SND1: variants seen among roughly 807,000 people sequenced by gnomAD.
The protein encoded by SND1 is staphylococcal nuclease and tudor domain containing 1.
Under a neutral mutation model 121.7 loss-of-function variants are expected in SND1, and 38 were observed. That is an observed-to-expected ratio of 0.31 (90% confidence interval 0.24 to 0.41). The LOEUF (loss-of-function observed/expected upper bound fraction) is 0.41. Ranked by LOEUF, SND1 falls within the 10% of genes least tolerant of loss-of-function variation. The probability of loss-of-function intolerance (pLI) is 1.00; values close to 1 mark genes in which losing one functional copy is unlikely to be tolerated. For synonymous variants in SND1, 401 were observed against 447.4 expected, an observed-to-expected ratio of 0.90 and a Z score of 1.31; for missense variants, 868 against 1,184.6, an observed-to-expected ratio of 0.73 and a Z score of 3.92.
At chr7:127,947,087 C>T (rs1262349901) in intron 15 of SND1, among the ~76,000 whole-genome samples, 1 of 152,086 alleles carries the variant, frequency 6.6e-6, no homozygotes, top group Non-Finnish European at 1.5e-5. Context: ...CCTGGTTTTC[C>T]AGGGAAACTT....
intron 11 of SND1, among the ~76,000 whole-genome samples, chr7:127,817,471 G>A (rs956471006): frequency 3.9e-5 from 6 of 152,016 alleles, no homozygotes; most frequent in Non-Finnish European, 8.8e-5. Context: ...TTCAAAATGC[G>A]TAGACCTGAC....
intron 23 of SND1, 42 bp from the exon 24 acceptor site, chr7:128,091,951 G>A: frequency 6.2e-7 from 1 of 1,613,876 alleles, no homozygotes; most frequent in Non-Finnish European, 8.5e-7. Flanking sequence ...GTTCCGGTGG[G>A]TCCCGTATCC....
In SND1 at chr7:128,074,651, G is replaced by A. The variant is rs764909120; in HGVS notation, c.1929G>A (p.Leu643=). 1.1e-5 allele frequency: 17 copies of A among 1,613,548 alleles called. No individual in the cohort carries two copies. The South Asian group carries it at 1.9e-4, about 18-fold the overall frequency. The change falls in exon 17 of 24, where the codon CTG becomes CTA. Residue 643 remains leucine, a synonymous_variant. Coordinates refer to ENST00000354725, the MANE Select transcript of SND1 (RefSeq NM_014390.4). ...TAERSSYYKS[L]LSAEEAAKQK... ...AACGCAGCTCCTACTACAAGTCCCT[G>A]CTGTCTGCCGAGGAGGCCGCAAAGC...
At chr7:127,990,890 G>C in intron 15 of SND1, 57 bp from the exon 16 acceptor site, 1 of 1,273,654 alleles carries the variant, frequency 7.9e-7, no homozygotes, top group South Asian at 1.3e-5. Context: ...GTCCTTATTG[G>C]ACAGCAAGCC....
chr7:127,686,552 A>G (rs1795815407), intron 1 of SND1, 61 bp from the exon 2 acceptor site: 2 of 1,554,606 alleles, frequency 1.3e-6, no homozygotes, highest in Non-Finnish European at 1.8e-6. Context: ...GTGGTACACA[A>G]CCTGCATTAT....
intron 12 of SND1, among the ~76,000 whole-genome samples, chr7:127,868,030 T>TCC (rs1401822720): frequency 2.0e-5 from 3 of 152,220 alleles, no homozygotes; most frequent in Non-Finnish European, 4.4e-5. Context: ...CTGTAGGTAC[T>TCC]CCGTCTAAAA....
chr7:127,721,301 G>C lies in SND1; in HGVS notation c.1053G>C (p.Leu351=). Residue 351 remains leucine (L), a synonymous_variant, in exon 10 of 24, where the codon CTG becomes CTC. Coordinates refer to ENST00000354725, the MANE Select transcript of SND1 (RefSeq NM_014390.4). The part of the protein sequence containing the change: ...KQFVAKVMQV[L]NADAIVVKLN... ...TTTGCTCACAGGTGATGCAGGTTCTGAATGCTGATGCCATTGTTGTGAAGC... is the reference window on the plus strand; with the variant it reads ...TTTGCTCACAGGTGATGCAGGTTCTCAATGCTGATGCCATTGTTGTGAAGC... 1 of 1,613,588 alleles carries C rather than the reference G, an allele frequency of 6.2e-7. No homozygotes were observed. Among genetic ancestry groups the C allele is most frequent in the Non-Finnish European group, 8.5e-7 (1 of 1,179,686 alleles).
intron 15 of SND1, among the ~76,000 whole-genome samples, chr7:127,976,609 C>T (rs1248181353): frequency 6.6e-6 from 1 of 152,248 alleles, no homozygotes; most frequent in Non-Finnish European, 1.5e-5. Flanking sequence ...AATGTTGCAT[C>T]AGTGGAAAGT....
chr7:127,703,300 A>T lies in SND1; in HGVS notation c.817A>T (p.Ile273Phe). ...IILESCHNQN[I>F]LGTILHPNGN... ...TCTGGAGAGCTGCCACAACCAGAACATTCTGGGTACCATCCTTCATCCAGT... is the reference window on the plus strand; with the variant it reads ...TCTGGAGAGCTGCCACAACCAGAACTTTCTGGGTACCATCCTTCATCCAGT... Residue 273 changes from isoleucine (I) to phenylalanine (F), a missense_variant, in exon 7 of 24, where the codon ATT becomes TTT. Around this residue, in one of 2 missense-constraint regions of SND1, gnomAD observed 743 missense variants for 1,071.3 expected, o/e 0.69. Transcript: ENST00000354725. 1 of 1,614,152 alleles carries T rather than the reference A, an allele frequency of 6.2e-7. No individual in the cohort carries two copies. The highest frequency in any genetic ancestry group is 1.1e-5 in the South Asian group (1 of 91,088).
chr7:127,687,596 T>A (rs1795836156), intron 2 of SND1, among the ~76,000 whole-genome samples: 1 of 152,222 alleles, frequency 6.6e-6, no homozygotes. Flanking sequence ...CTGAGTTAGT[T>A]CACTTAGGAT....
At chr7:128,033,677 A>G (rs527569913) in intron 16 of SND1, among the ~76,000 whole-genome samples, 2 of 152,350 alleles carry the variant, frequency 1.3e-5, no homozygotes, top group African/African-American at 2.4e-5. Flanking sequence ...TTTGCTGTCA[A>G]ATAATAACCT....
In SND1 at chr7:128,085,601, G is replaced by A. The variant is rs566800964; in HGVS notation, c.2235-110G>A. 49 of 949,962 alleles carry A rather than the reference G, an allele frequency of 5.2e-5. No individual in the cohort carries two copies. Among genetic ancestry groups the A allele is most frequent in the African/African-American group, 4.0e-4 (25 of 61,970 alleles). 58.8% of individuals were successfully genotyped at this position (949,962 alleles called of 1,614,324 possible). A position where few individuals can be genotyped will look rare whatever the true frequency, so the allele number is the denominator to read the frequency against. On this transcript the variant is annotated intron_variant, in intron 19 of 23. Coordinates refer to ENST00000354725, the MANE Select transcript of SND1 (RefSeq NM_014390.4). The surrounding 1 kb of genome is among the most constrained non-coding windows in gnomAD (Gnocchi z 4.4). ...GCAGTTACTGTCCCCTGTGACACCC[G>A]TTGAACCCAGGCAGGGAAATGCTGT...
intron 15 of SND1, among the ~76,000 whole-genome samples, chr7:127,972,811 C>G (rs2537820): frequency 6.6e-6 from 1 of 151,880 alleles, no homozygotes; most frequent in African/African-American, 2.4e-5. Context: ...AACTCTTGAC[C>G]TCAAGAGATC....
At chr7:127,967,942 C>G (rs1378017017) in intron 15 of SND1, among the ~76,000 whole-genome samples, 4 of 152,168 alleles carry the variant, frequency 2.6e-5, no homozygotes, top group Admixed American at 6.5e-5. Context: ...GTGTTTTACT[C>G]TATGTATTTC....
intron 16 of SND1, among the ~76,000 whole-genome samples, chr7:127,992,592 C>A (rs1449534409): frequency 4.6e-5 from 7 of 152,170 alleles, no homozygotes; most frequent in Non-Finnish European, 8.8e-5. Flanking sequence ...TTAGATTGCC[C>A]AAGACATCGG....
At chr7:128,028,671 G>A in intron 16 of SND1, 1 of 1,599,896 alleles carries the variant, frequency 6.3e-7, no homozygotes, top group African/African-American at 1.3e-5. Context: ...TTTTTTGGGG[G>A]AGGGGAGTCA....
intron 1 of SND1, among the ~76,000 whole-genome samples, chr7:127,672,047 C>T (rs1213376026): frequency 6.6e-6 from 1 of 152,174 alleles, no homozygotes; most frequent in Non-Finnish European, 1.5e-5. Flanking sequence ...TGTGCGTGTA[C>T]ATGCCTGTAA....
At chr7:127,934,532 G>A (rs553448781) in intron 15 of SND1, among the ~76,000 whole-genome samples, 1 of 152,222 alleles carries the variant, frequency 6.6e-6, no homozygotes, top group South Asian at 2.1e-4. Context: ...TGAAATCTGG[G>A]GAGAAAACTG....
At chr7:127,908,725 C>T (rs1800397075) in intron 14 of SND1, among the ~76,000 whole-genome samples, 1 of 152,166 alleles carries the variant, frequency 6.6e-6, no homozygotes, top group Admixed American at 6.6e-5. Flanking sequence ...TCTGAGCTCC[C>T]TCCCTCACCA....
Sources: gnomAD v4.1 joint callset for allele counts (sites outside exome capture counted in the v4.1 genomes callset) on GRCh38, gnomAD v4.1.1 for gene constraint, gnomAD v4.1.1 regional missense constraint, Gnocchi (gnomAD v3.1) non-coding constraint, MANE v1.5 for transcripts, NCBI Gene and HGNC (gene_info 2026-07-23, HGNC 2026-07-21) for gene names.